The following PLCB1 variants were observed in gnomAD, a reference collection of about 807,000 sequenced individuals.
The protein encoded by PLCB1 is phospholipase C beta 1, also known as 1-phosphatidylinositol 4,5-bisphosphate phosphodiesterase beta-1.
PLCB1 carries 46 observed loss-of-function variants against 161.8 expected under a neutral mutation model. The observed-to-expected ratio is 0.28, with a 90% confidence interval of 0.22 to 0.36. The LOEUF is 0.36. Ranked by LOEUF, PLCB1 falls within the 10% of genes least tolerant of loss-of-function variation. The pLI is 1.00. For missense variants in PLCB1, 1,016 were observed against 1,472.5 expected (o/e 0.69, Z 5.07); for synonymous variants, 517 against 503.7 (o/e 1.03, Z -0.35).
rs538431251 is a variant in PLCB1 at position 8,153,404 on chromosome 20, T to G, written c.177+3033T>G. Among the ~76,000 whole-genome samples, 3 of 152,242 alleles carry G rather than the reference T, an allele frequency of 2.0e-5. No individual in the cohort carries two copies. The South Asian group carries it at 6.2e-4, about 32-fold the overall frequency. On this transcript the variant is annotated intron_variant, in intron 2 of 31. Transcript: ENST00000338037. ...GTAGGTGATGTGAAGAGGATGAATT[T>G]ATCTGTAAGTCATGGGTGAGAAGGG...
intron 3 of PLCB1, among the ~76,000 whole-genome samples, chr20:8,415,163 C>T (rs1979215626): frequency 1.3e-5 from 2 of 152,122 alleles, no homozygotes; most frequent in Admixed American, 1.3e-4. Context: ...AATCTTTTCC[C>T]AAATGTGAAC....
At chr20:8,355,754 A>G (rs923610150) in intron 2 of PLCB1, among the ~76,000 whole-genome samples, 13 of 152,224 alleles carry the variant, frequency 8.5e-5, no homozygotes, top group African/African-American at 3.1e-4. Context: ...GAGTAGCACC[A>G]TTATAGTAAG....
chr20:8,574,594 C>T (rs939056358), intron 3 of PLCB1, among the ~76,000 whole-genome samples: 2 of 152,030 alleles, frequency 1.3e-5, no homozygotes, highest in South Asian at 2.1e-4. Flanking sequence ...AGAAGTATGT[C>T]GAAGGGAGGA....
chr20:8,249,420 T>C (rs1461985645), intron 2 of PLCB1: 1 of 151,950 alleles, frequency 6.6e-6, no homozygotes, highest in Non-Finnish European at 1.5e-5. Context: ...AATTCATGAC[T>C]TGTTATCATT....
chr20:8,344,310 G>A (rs1428555136), intron 2 of PLCB1, among the ~76,000 whole-genome samples: 1 of 152,162 alleles, frequency 6.6e-6, no homozygotes, highest in East Asian at 1.9e-4. Context: ...GGTTTGTTTG[G>A]TCTCGCAGTT....
intron 2 of PLCB1, among the ~76,000 whole-genome samples, chr20:8,304,263 C>G (rs1039341633): frequency 1.3e-5 from 2 of 152,052 alleles, no homozygotes; most frequent in African/African-American, 4.8e-5. Flanking sequence ...TGAGAAGGTC[C>G]TTAAAGGTCA....
intron 2 of PLCB1, among the ~76,000 whole-genome samples, chr20:8,367,186 C>T (rs1986737485): frequency 6.6e-6 from 1 of 152,080 alleles, no homozygotes; most frequent in South Asian, 2.1e-4. Flanking sequence ...TTTGAAAGTT[C>T]CCAATATAAA....
At chr20:8,149,725 T>C (rs963490973) in intron 1 of PLCB1, among the ~76,000 whole-genome samples, 7 of 152,168 alleles carry the variant, frequency 4.6e-5, no homozygotes, top group Non-Finnish European at 1.0e-4. Context: ...CTTTATACTA[T>C]GCATGCTTTA....
chr20:8,805,212 G>T (rs946175333), intron 31 of PLCB1, among the ~76,000 whole-genome samples: 1 of 152,060 alleles, frequency 6.6e-6, no homozygotes, highest in Non-Finnish European at 1.5e-5. Context: ...ACCTTAATAG[G>T]TGAAGCTAAG....
At chr20:8,692,687 G>T (rs750940104) in intron 10 of PLCB1, among the ~76,000 whole-genome samples, 7 of 152,104 alleles carry the variant, frequency 4.6e-5, no homozygotes, top group Non-Finnish European at 4.4e-5. Context: ...GACCCAGGTG[G>T]TTTCTGTCTT....
At chr20:8,726,012 C>T (rs1298376112) in intron 16 of PLCB1, among the ~76,000 whole-genome samples, 2 of 151,742 alleles carry the variant, frequency 1.3e-5, no homozygotes, top group African/African-American at 2.4e-5. Flanking sequence ...TATGATGGAC[C>T]AAAATAAGAG....
At chr20:8,644,953 A>T (rs1320187660) in intron 4 of PLCB1, among the ~76,000 whole-genome samples, 2 of 152,150 alleles carry the variant, frequency 1.3e-5, no homozygotes, top group Non-Finnish European at 2.9e-5. Context: ...AGAGGTAGAC[A>T]TGGGAGACTT....
At chr20:8,502,305 T>C (rs1294529048) in intron 3 of PLCB1, among the ~76,000 whole-genome samples, 3 of 152,156 alleles carry the variant, frequency 2.0e-5, no homozygotes, top group African/African-American at 7.2e-5. Flanking sequence ...TCTCTTATTC[T>C]TGTCAGCACT....
At chr20:8,718,046 C>T (rs768596024) in intron 14 of PLCB1, among the ~76,000 whole-genome samples, 198 bp downstream of exon 14, 2 of 147,758 alleles carry the variant, frequency 1.4e-5, no homozygotes, top group South Asian at 2.3e-4. Context: ...ATGGTGAAAT[C>T]CTGTCTCTTG....
intron 2 of PLCB1, among the ~76,000 whole-genome samples, chr20:8,280,134 G>C (rs1420285142): frequency 6.6e-6 from 1 of 151,954 alleles, no homozygotes; most frequent in African/African-American, 2.4e-5. Flanking sequence ...TCAGGAGTTC[G>C]AGACCAGCCT....
At chr20:8,157,935 A>G (rs1343229046) in intron 2 of PLCB1, among the ~76,000 whole-genome samples, 1 of 152,238 alleles carries the variant, frequency 6.6e-6, no homozygotes, top group Admixed American at 6.5e-5. Context: ...AGAAACATGT[A>G]ATACCACGAA....
intron 3 of PLCB1, among the ~76,000 whole-genome samples, chr20:8,430,739 G>T (rs1980003066): frequency 1.3e-5 from 2 of 152,138 alleles, no homozygotes; most frequent in Non-Finnish European, 2.9e-5. Flanking sequence ...GATCACTTGA[G>T]GCCAGGAGTT....
intron 3 of PLCB1, among the ~76,000 whole-genome samples, chr20:8,497,669 A>C (rs988926080): frequency 3.3e-5 from 5 of 152,130 alleles, no homozygotes; most frequent in African/African-American, 1.2e-4. Context: ...TATTGCCTTG[A>C]CTTACTGATG....
At chr20:8,809,742 CT>C (rs1221225087) in intron 31 of PLCB1, among the ~76,000 whole-genome samples, 14 of 151,646 alleles carry the variant, frequency 9.2e-5, no homozygotes, top group African/African-American at 2.4e-5. Context: ...TTCTTTAAAG[CT>C]TTTTTTTCTG....
Sources: gnomAD v4.1 joint callset for allele counts (sites outside exome capture counted in the v4.1 genomes callset) on GRCh38, gnomAD v4.1.1 for gene constraint, MANE v1.5 for transcripts, NCBI Gene and HGNC (gene_info 2026-07-23, HGNC 2026-07-21) for gene names.